The following GAN variants were observed in gnomAD, a reference collection of about 807,000 sequenced individuals.
GAN encodes gigaxonin.
In GAN, 48 loss-of-function variants were observed where a neutral mutation model predicts 71.3. The observed-to-expected ratio is 0.67, with a 90% CI of 0.53 to 0.86. GAN has a LOEUF of 0.86. Ranked by LOEUF, GAN falls within the 40% of genes least tolerant of loss-of-function variation. The pLI, the probability that GAN is intolerant of heterozygous loss-of-function variation, is 0.00. For missense variants in GAN, 928 were observed against 770.1 expected (o/e 1.21, Z -2.43); for synonymous variants, 386 against 276.8 (o/e 1.39, Z -3.92).
chr16:81,362,739 C>T (rs1322447370), intron 6 of GAN, 128 bp downstream of exon 6: 1 of 712,158 alleles, frequency 1.4e-6, no homozygotes, highest in African/African-American at 1.7e-5. Context: ...TCGCTCCAAC[C>T]TCTCCTTCTA....
At position 81,379,057 on chromosome 16, in the gene GAN, T is replaced by C. The variant is rs533867902; in HGVS notation, c.*1461T>C. ...AAAAAAAAGGTTTTTTTTTTCCTTT[T>C]GGAATATGGCTGTAAGAAGCAGCAT... On this transcript the variant is annotated 3_prime_UTR_variant, in exon 11 of 11. Transcript: ENST00000648994. 6.6e-5 allele frequency: 10 copies of C among 152,302 alleles called. No homozygotes were observed. In the East Asian group the frequency reaches 1.9e-3, roughly 29 times the overall value. The allele number at this position is 152,302 out of a possible 1,614,324, so 9.4% of individuals were successfully genotyped here.
chr16:81,330,055 G>C (rs1194249314), intron 1 of GAN, among the ~76,000 whole-genome samples: 1 of 152,144 alleles, frequency 6.6e-6, no homozygotes, highest in East Asian at 1.9e-4. Flanking sequence ...TTGATGCCCA[G>C]ACCTCTCGTT....
chr16:81,352,368 C>A (rs983068626), intron 2 of GAN, among the ~76,000 whole-genome samples: 7 of 152,178 alleles, frequency 4.6e-5, no homozygotes, highest in African/African-American at 1.4e-4. Context: ...ACTACCCATT[C>A]CCCATGACGT....
chr16:81,363,809 G>T lies in GAN; in HGVS notation c.1102G>T (p.Gly368Ter). 1 of 1,613,710 alleles carries T rather than the reference G, an allele frequency of 6.2e-7. No individual in the cohort carries two copies. The highest frequency in any genetic ancestry group is 8.5e-7 in the Non-Finnish European group (1 of 1,179,636). ...GTAATTTCAGGCAAGACATAACTTC[G>T]GAATTGTGGAGATAGATGGGATGCT... ...PPMNEARHNF[G>*]IVEIDGMLYI... The change falls in exon 7 of 11, where the codon GGA (glycine) becomes TGA (stop). Residue 368 changes from glycine (G) to a stop codon, truncating the protein, a stop_gained. Coordinates refer to ENST00000648994, the MANE Select transcript of GAN (RefSeq NM_022041.4). LOFTEE classifies it high-confidence loss of function.
intron 6 of GAN, among the ~76,000 whole-genome samples, 181 bp from the exon 7 acceptor site, chr16:81,363,613 G>A (rs1244425017): frequency 6.6e-6 from 1 of 152,182 alleles, no homozygotes; most frequent in Non-Finnish European, 1.5e-5. Flanking sequence ...CAGGTACCAA[G>A]CGTCGTACCC....
Position 81,357,914 on chromosome 16 carries a change from A to G in GAN, c.956A>G (p.His319Arg). Residue 319 changes from histidine (H) to arginine (R), a missense_variant, in exon 5 of 11, where the codon CAT (histidine) becomes CGT (arginine). Physicochemically the swap from His to Arg is conservative, Grantham distance 29 (BLOSUM62 0). Coordinates refer to ENST00000648994, the MANE Select transcript of GAN (RefSeq NM_022041.4). ...LAPLSMPRIN[H>R]GVLSAEGFLF... Reference sequence around the variant, plus strand: ...CCTTTAAGCATGCCGAGAATTAACCATGGAGTTCTCTCAGCAGGTACCGTT... The same window carrying G: ...CCTTTAAGCATGCCGAGAATTAACCGTGGAGTTCTCTCAGCAGGTACCGTT... The G allele has an allele frequency of 1.9e-6, 3 of 1,613,818 alleles. No individual in the cohort carries two copies. The highest frequency in any genetic ancestry group is 2.5e-6 in the Non-Finnish European group (3 of 1,179,776).
chr16:81,333,822 G>A (rs149501383), intron 1 of GAN, among the ~76,000 whole-genome samples: 3 of 152,118 alleles, frequency 2.0e-5, no homozygotes, highest in Non-Finnish European at 4.4e-5. Flanking sequence ...TTGGTTACAC[G>A]TTGTAGCTGT....
intron 1 of GAN, among the ~76,000 whole-genome samples, chr16:81,338,866 T>G (rs1255163096): frequency 6.6e-6 from 1 of 152,168 alleles, no homozygotes; most frequent in Non-Finnish European, 1.5e-5. Context: ...ATTTCCAACT[T>G]TCACTTCATT....
chr16:81,364,258 T>C (rs1202712027), intron 7 of GAN, among the ~76,000 whole-genome samples: 2 of 152,082 alleles, frequency 1.3e-5, no homozygotes, highest in Admixed American at 6.5e-5. Context: ...TTCCCTCTCT[T>C]ACTCTCTCTC....
At chr16:81,322,002 C>G (rs1909239077) in intron 1 of GAN, among the ~76,000 whole-genome samples, 3 of 152,204 alleles carry the variant, frequency 2.0e-5, no homozygotes, top group African/African-American at 7.2e-5. Flanking sequence ...GCCCGACACT[C>G]TACCAGAGTT....
At chr16:81,344,239 TTCACAGAATTGGAAA>T (rs1279631889) in intron 1 of GAN, among the ~76,000 whole-genome samples, 2 of 152,208 alleles carry the variant, frequency 1.3e-5, no homozygotes, top group Non-Finnish European at 2.9e-5. Context: ...GCTGACTTTC[TTCACAGAATTGGAAA>T]AACTACTTTA....
At chr16:81,370,895 A>G (rs1030344977) in intron 9 of GAN, among the ~76,000 whole-genome samples, 4 of 152,140 alleles carry the variant, frequency 2.6e-5, no homozygotes, top group East Asian at 1.9e-4. Flanking sequence ...TAGATTACTT[A>G]TGGTAGATCT....
Position 81,385,395 on chromosome 16 carries a change from C to T in GAN, c.*7799C>T, listed in dbSNP as rs993436598. The T allele has an allele frequency of 2.6e-5, 4 of 152,200 alleles. No individual in the cohort carries two copies. Among genetic ancestry groups the T allele is most frequent in the Admixed American group, 6.5e-5 (1 of 15,274 alleles). The allele number at this position is 152,200 out of a possible 1,614,324, so 9.4% of individuals were successfully genotyped here. A position where few individuals can be genotyped will look rare whatever the true frequency, so the allele number is the denominator to read the frequency against. On this transcript the variant is annotated 3_prime_UTR_variant, in exon 11 of 11. Coordinates refer to ENST00000648994, the MANE Select transcript of GAN (RefSeq NM_022041.4). ...CAAACCCAGTGGTTGAGAGCATAGG[C>T]CTTGGTGGCAGGTGCATCTGGGCTT...
chr16:81,363,689 T>G, intron 6 of GAN, 105 bp from the exon 7 acceptor site: 3 of 1,168,480 alleles, frequency 2.6e-6, no homozygotes, highest in Non-Finnish European at 3.8e-6. Context: ...CCATTGTCTA[T>G]TTTTGCCATC....
chr16:81,372,667 T>A (rs1395320474), intron 9 of GAN, among the ~76,000 whole-genome samples: 1 of 152,200 alleles, frequency 6.6e-6, no homozygotes, highest in East Asian at 1.9e-4. Context: ...TAGTCCAGTT[T>A]CTTAGGTTAA....
chr16:81,338,853 C>G (rs1252570189), intron 1 of GAN, among the ~76,000 whole-genome samples: 3 of 152,190 alleles, frequency 2.0e-5, no homozygotes, highest in Non-Finnish European at 4.4e-5. Context: ...TTGAGAGGCC[C>G]TGATTTCCAA....
chr16:81,341,261 A>G (rs1909931655), intron 1 of GAN, among the ~76,000 whole-genome samples: 2 of 152,190 alleles, frequency 1.3e-5, no homozygotes. Flanking sequence ...CTAGGGAGGC[A>G]GGCCAACATT....
rs1204197207 is a variant in GAN, at chr16:81,388,839, T to G, written c.*11243T>G. ...TCCAAATCGTTGTGGGATCGGAAACTAGAACTGCTTGTTTCCAGGAGAGAC... is the reference window on the plus strand; with the variant it reads ...TCCAAATCGTTGTGGGATCGGAAACGAGAACTGCTTGTTTCCAGGAGAGAC... On this transcript the variant is annotated 3_prime_UTR_variant, in exon 11 of 11. Transcript: ENST00000648994. 1 of 152,270 alleles carries G rather than the reference T, an allele frequency of 6.6e-6. No individual in the cohort carries two copies. Among genetic ancestry groups the G allele is most frequent in the Non-Finnish European group, 1.5e-5 (1 of 68,038 alleles). The allele number at this position is 152,270 out of a possible 1,614,324, so 9.4% of individuals were successfully genotyped here. A position where few individuals can be genotyped will look rare whatever the true frequency, so the allele number is the denominator to read the frequency against.
Position 81,379,430 on chromosome 16 carries a change from G to GTGCC in GAN, c.*1835_*1838dup, listed in dbSNP as rs1904294593. 1 of 152,216 alleles carries GTGCC rather than the reference G, an allele frequency of 6.6e-6. No homozygotes were observed. The highest frequency in any genetic ancestry group is 2.4e-5 in the African/African-American group (1 of 41,458). 9.4% of individuals were successfully genotyped at this position (152,216 alleles called of 1,614,324 possible). A position where few individuals can be genotyped will look rare whatever the true frequency, so the allele number is the denominator to read the frequency against. The stretch of plus-strand genomic sequence containing the variant: ...ATATGCCAGAGGCACCAGGCCAGAT[G>GTGCC]TGCCGCACAGTCATGTAATTCAATC... On this transcript the variant is annotated 3_prime_UTR_variant, in exon 11 of 11. Coordinates refer to ENST00000648994, the MANE Select transcript of GAN (RefSeq NM_022041.4).
Sources: allele counts gnomAD v4.1 joint callset (sites outside exome capture counted in the v4.1 genomes callset), GRCh38; gene constraint gnomAD v4.1.1; transcripts MANE v1.5; gene names NCBI Gene and HGNC (gene_info 2026-07-23, HGNC 2026-07-21).